SULF2: variants seen among roughly 807,000 people sequenced by gnomAD.
SULF2 encodes the protein sulfatase 2, also known as extracellular sulfatase Sulf-2.
In SULF2, 52 loss-of-function variants were observed where a neutral mutation model predicts 107.7. The ratio of observed to expected loss-of-function variants is 0.48; its 90% confidence interval spans 0.39 to 0.61. The LOEUF is 0.61. SULF2 is among the 20% of genes least tolerant of loss of function. The pLI is 0.00. For synonymous variants in SULF2, 460 were observed against 464.3 expected (o/e 0.99, Z 0.12); for missense variants, 993 against 1,177.3 (o/e 0.84, Z 2.29).
chr20:47,750,106 C>T (rs896353883), intron 2 of SULF2, among the ~76,000 whole-genome samples: 4 of 152,206 alleles, frequency 2.6e-5, no homozygotes, highest in African/African-American at 9.6e-5. Context: ...CTCAGCCTCC[C>T]GAGTAGCTGG....
At chr20:47,725,627 G>C (rs1285899853) in intron 3 of SULF2, among the ~76,000 whole-genome samples, 2 of 152,178 alleles carry the variant, frequency 1.3e-5, no homozygotes, top group East Asian at 3.9e-4. Flanking sequence ...CCATCCCTCA[G>C]GTGTGTTTGC....
At chr20:47,785,531 C>A (rs1425001777), upstream of SULF2, 4 of 145,696 alleles carry the variant, frequency 2.7e-5, no homozygotes, top group African/African-American at 9.9e-5. Context: ...CTCCCCGCCC[C>A]CCAACGCCGC....
At chr20:47,717,856 C>T (rs2089172157) in intron 3 of SULF2, among the ~76,000 whole-genome samples, 1 of 150,814 alleles carries the variant, frequency 6.6e-6, no homozygotes, top group African/African-American at 2.4e-5. Context: ...CTCTGTCACC[C>T]AGGCTGGAGT....
chr20:47,660,419 T>C (rs2087026957), intron 18 of SULF2, among the ~76,000 whole-genome samples: 1 of 152,174 alleles, frequency 6.6e-6, no homozygotes, highest in Non-Finnish European at 1.5e-5. Context: ...TCTTCATAAC[T>C]AGAGCCGACG....
chr20:47,728,447 G>T (rs1171338308), intron 3 of SULF2, among the ~76,000 whole-genome samples: 1 of 152,094 alleles, frequency 6.6e-6, no homozygotes, highest in Non-Finnish European at 1.5e-5. Context: ...GAGTGGGGGT[G>T]GAGAGGAGAG....
chr20:47,728,107 C>T (rs1245400665), intron 3 of SULF2, among the ~76,000 whole-genome samples: 1 of 152,144 alleles, frequency 6.6e-6, no homozygotes, highest in African/African-American at 2.4e-5. Context: ...AGTGGATACA[C>T]TCCACGGGGT....
chr20:47,676,983 G>C, intron 9 of SULF2, 95 bp downstream of exon 9: 1 of 1,361,158 alleles, frequency 7.3e-7, no homozygotes, highest in South Asian at 1.2e-5. Context: ...GCCATGGGCA[G>C]CTCCTGAATA....
At chr20:47,670,078 C>A (rs555235684) in intron 11 of SULF2, among the ~76,000 whole-genome samples, 1 of 152,274 alleles carries the variant, frequency 6.6e-6, no homozygotes, top group Non-Finnish European at 1.5e-5. Flanking sequence ...ATCTGCTCCA[C>A]GATGAAGACA....
At chr20:47,735,121 A>C (rs2089697857) in intron 3 of SULF2, among the ~76,000 whole-genome samples, 1 of 151,960 alleles carries the variant, frequency 6.6e-6, no homozygotes, top group Non-Finnish European at 1.5e-5. Context: ...CAAACACCTC[A>C]CTTTGACTCT....
chr20:47,750,552 C>T (rs1264377108), intron 2 of SULF2, among the ~76,000 whole-genome samples: 1 of 152,222 alleles, frequency 6.6e-6, no homozygotes. Context: ...AGACTCCTTA[C>T]TGGACACCCT....
chr20:47,744,838 C>A (rs887665430), intron 2 of SULF2, among the ~76,000 whole-genome samples: 10 of 152,244 alleles, frequency 6.6e-5, no homozygotes, highest in African/African-American at 2.4e-4. Context: ...GAAGGGGGCA[C>A]CACACACCCC....
At chr20:47,752,821 G>C (rs4809649) in intron 2 of SULF2, among the ~76,000 whole-genome samples, 1 of 151,830 alleles carries the variant, frequency 6.6e-6, no homozygotes, top group East Asian at 1.9e-4. Flanking sequence ...CAAACATCAG[G>C]CCAGGTGTGG....
At chr20:47,726,111 A>C (rs996077018) in intron 3 of SULF2, among the ~76,000 whole-genome samples, 1 of 152,078 alleles carries the variant, frequency 6.6e-6, no homozygotes, top group African/African-American at 2.4e-5. Flanking sequence ...CACTCACCTA[A>C]AGTTCGACAG....
At chr20:47,769,139 C>T (rs1225112326) in intron 1 of SULF2, among the ~76,000 whole-genome samples, 1 of 152,036 alleles carries the variant, frequency 6.6e-6, no homozygotes, top group Non-Finnish European at 1.5e-5. Flanking sequence ...CTCCTGGGTT[C>T]AAGTGATTCT....
At chr20:47,710,335 CCAT>C (rs1243580627) in intron 3 of SULF2, among the ~76,000 whole-genome samples, 1 of 151,820 alleles carries the variant, frequency 6.6e-6, no homozygotes, top group Non-Finnish European at 1.5e-5. Context: ...ACCATGCCCA[CCAT>C]ATTTTTACTG....
rs774478557 is a variant in SULF2 at position 47,684,420 on chromosome 20, C to T, written c.888+11G>A. 62 of 1,601,556 alleles carry T rather than the reference C, an allele frequency of 3.9e-5. 1 individual carries two copies. The South Asian group carries it at 4.6e-4, about 12-fold the overall frequency. On this transcript the variant is annotated intron_variant, in intron 6 of 20. Coordinates refer to ENST00000688720, the MANE Select transcript of SULF2 (RefSeq NM_001387048.1). ...GCCACGCCCACCAAGAGGCATGCAG[C>T]GGGCGCCTACCGTCTCCATGGAGTC...
chr20:47,671,107 C>T (rs935170390), intron 11 of SULF2, among the ~76,000 whole-genome samples: 1 of 152,134 alleles, frequency 6.6e-6, no homozygotes, highest in Non-Finnish European at 1.5e-5. Context: ...AATGGTGAAG[C>T]GATGGCCCAG....
intron 11 of SULF2, among the ~76,000 whole-genome samples, chr20:47,669,468 C>T (rs557712776): frequency 3.3e-5 from 5 of 152,364 alleles, no homozygotes; most frequent in African/African-American, 1.2e-4. Flanking sequence ...CCCTCCATCA[C>T]ACACAATTGT....
chr20:47,720,401 G>A (rs2089253174), intron 3 of SULF2, among the ~76,000 whole-genome samples: 1 of 151,892 alleles, frequency 6.6e-6, no homozygotes, highest in African/African-American at 2.4e-5. Context: ...GAGTACAGGT[G>A]CACACCACCA....
Sources: gnomAD v4.1 joint callset for allele counts (sites outside exome capture counted in the v4.1 genomes callset) on GRCh38, gnomAD v4.1.1 for gene constraint, MANE v1.5 for transcripts, NCBI Gene and HGNC (gene_info 2026-07-23, HGNC 2026-07-21) for gene names.